Variants in NLGN4X observed in about 807,000 individuals in gnomAD.
The protein encoded by NLGN4X is neuroligin 4 X-linked.
In NLGN4X, 3 loss-of-function variants were observed where a neutral mutation model predicts 40.3. That is an observed-to-expected ratio of 0.07 (90% confidence interval 0.03 to 0.19). The LOEUF (loss-of-function observed/expected upper bound fraction) is 0.19. NLGN4X is among the 10% of genes least tolerant of loss of function. The pLI is 1.00. For missense variants in NLGN4X, 382 were observed against 708.3 expected, an observed-to-expected ratio of 0.54 and a Z score of 5.23; for synonymous variants, 270 against 306.8, an observed-to-expected ratio of 0.88 and a Z score of 1.25.
intron 3 of NLGN4X, among the ~76,000 whole-genome samples, chrX:6,027,472 A>G (rs1745601822): frequency 8.9e-6 from 1 of 111,758 alleles, no homozygotes; most frequent in Non-Finnish European, 1.9e-5. Flanking sequence ...GCAGAAACCA[A>G]CCTGGAATTT....
chrX:6,205,062 G>T (rs1923920035), intron 1 of NLGN4X, among the ~76,000 whole-genome samples: 1 of 111,352 alleles, frequency 9.0e-6, no homozygotes, highest in South Asian at 3.8e-4. Context: ...CCTGCAACAC[G>T]ATCATCCCCC....
In NLGN4X at chrX:5,891,722, TGTCTCTAA is replaced by T; in HGVS notation, c.*1087_*1094del. On this transcript the variant is annotated 3_prime_UTR_variant, in exon 6 of 6. Transcript: ENST00000381095. ...TCCCTACTGATTCTTTGTGTGTGCA[TGTCTCTAA>T]TTTAACAAGCTGTAAATACACTCCA... 5.6e-6 allele frequency: 1 copy of T among 178,527 alleles called. No individual in the cohort carries two copies. Among genetic ancestry groups the T allele is most frequent in the South Asian group, 9.6e-5 (1 of 10,406 alleles). The allele number at this position is 178,527 out of a possible 1,213,427, so 14.7% of individuals were successfully genotyped here.
chrX:6,112,160 A>G (rs1337365229), intron 2 of NLGN4X, among the ~76,000 whole-genome samples: 1 of 111,747 alleles, frequency 8.9e-6, no homozygotes, highest in Non-Finnish European at 1.9e-5. Flanking sequence ...TCTGTTGCAG[A>G]GGGGGGACAA....
At chrX:5,905,570 C>T (rs183128099) in intron 4 of NLGN4X, among the ~76,000 whole-genome samples, 85 of 112,485 alleles carry the variant, frequency 7.6e-4, no homozygotes, top group South Asian at 3.6e-4. Flanking sequence ...TTCTTTGCTA[C>T]GATACTAATA....
intron 1 of NLGN4X, among the ~76,000 whole-genome samples, chrX:6,160,021 G>C (rs905892494): frequency 9.0e-6 from 1 of 111,045 alleles, no homozygotes; most frequent in African/African-American, 3.3e-5. Context: ...GGGAGAGAGA[G>C]AGAAGTGAGG....
chrX:6,027,163 G>C (rs1420665026), intron 3 of NLGN4X, among the ~76,000 whole-genome samples: 1 of 111,770 alleles, frequency 8.9e-6, no homozygotes, highest in Non-Finnish European at 1.9e-5. Context: ...CTTTGAAGAG[G>C]GCCTGTGCAA....
intron 3 of NLGN4X, among the ~76,000 whole-genome samples, chrX:5,921,392 A>AGAGG (rs2033044049): frequency 7.8e-5 from 1 of 12,749 alleles, no homozygotes; most frequent in Non-Finnish European, 1.3e-4. Flanking sequence ...AAAATGAACC[A>AGAGG]GAGAGAGAGA....
At chrX:6,022,451 TG>T (rs1344437298) in intron 3 of NLGN4X, among the ~76,000 whole-genome samples, 2 of 111,702 alleles carry the variant, frequency 1.8e-5, no homozygotes, top group African/African-American at 6.5e-5. Context: ...AAATAGCAAA[TG>T]TACCAAAAAT....
chrX:6,115,988 C>A (rs1377371821), intron 2 of NLGN4X, among the ~76,000 whole-genome samples: 1 of 110,338 alleles, frequency 9.1e-6, no homozygotes, highest in African/African-American at 3.3e-5. Context: ...GTTACCTTTA[C>A]AAATGTAATA....
At chrX:6,013,414 A>T (rs1051303935) in intron 3 of NLGN4X, among the ~76,000 whole-genome samples, 1 of 111,177 alleles carries the variant, frequency 9.0e-6, no homozygotes, top group Non-Finnish European at 1.9e-5. Flanking sequence ...AAAAAAAAAA[A>T]AAATGAGTAA....
intron 1 of NLGN4X, among the ~76,000 whole-genome samples, chrX:6,197,765 T>C (rs1309682811): frequency 1.8e-5 from 2 of 110,260 alleles, no homozygotes; most frequent in African/African-American, 6.6e-5. Flanking sequence ...AGGTGCTAAT[T>C]AAACTAACAG....
chrX:6,113,447 A>G (rs181679140), intron 2 of NLGN4X, among the ~76,000 whole-genome samples: 1 of 111,769 alleles, frequency 8.9e-6, no homozygotes, highest in East Asian at 2.8e-4. Context: ...TCATGTAGTA[A>G]AAAAGAAAAA....
At chrX:6,139,629 T>C (rs1008426600) in intron 2 of NLGN4X, among the ~76,000 whole-genome samples, 2 of 112,011 alleles carry the variant, frequency 1.8e-5, no homozygotes, top group African/African-American at 6.5e-5. Context: ...GGATCCTCCA[T>C]AGAAAACATC....
intron 3 of NLGN4X, among the ~76,000 whole-genome samples, chrX:6,017,621 T>C (rs1008705687): frequency 3.6e-5 from 4 of 112,011 alleles, no homozygotes; most frequent in African/African-American, 1.3e-4. Context: ...TGGTTTGATT[T>C]ATGATTTTTG....
intron 1 of NLGN4X, among the ~76,000 whole-genome samples, chrX:6,159,755 G>A (rs957293438): frequency 1.8e-5 from 2 of 111,793 alleles, no homozygotes; most frequent in African/African-American, 6.5e-5. Flanking sequence ...CCACTAAGAC[G>A]CTCTGACATC....
In NLGN4X at chrX:6,104,755, G is replaced by C. The variant is rs186163097; in HGVS notation, c.472+46240C>G. Among the ~76,000 whole-genome samples the C allele has an allele frequency of 1.3e-3, 142 of 111,691 alleles. 2 individuals carry two copies. Among genetic ancestry groups the C allele is most frequent in the Non-Finnish European group, 6.4e-4 (34 of 53,162 alleles). On this transcript the variant is annotated intron_variant, in intron 2 of 5. Coordinates refer to ENST00000381095, the MANE Select transcript of NLGN4X (RefSeq NM_181332.3). ...GGAAAGATCAGGAGTCCCTGAGATG[G>C]CAGAAAGAAACAGATGACAGACAGA...
intron 1 of NLGN4X, among the ~76,000 whole-genome samples, chrX:6,189,337 A>C (rs1409035603): frequency 8.9e-6 from 1 of 111,953 alleles, no homozygotes; most frequent in Non-Finnish European, 1.9e-5. Context: ...ACAATGTAGG[A>C]AATTCCAACC....
At chrX:5,895,005 T>C (rs953922647) in intron 5 of NLGN4X, among the ~76,000 whole-genome samples, 57 of 112,075 alleles carry the variant, frequency 5.1e-4, no homozygotes, top group African/African-American at 6.8e-4. Context: ...CCTCCAGTCA[T>C]TGCATGGCCT....
intron 3 of NLGN4X, among the ~76,000 whole-genome samples, chrX:5,992,309 T>C (rs1027884072): frequency 1.8e-5 from 2 of 112,169 alleles, no homozygotes; most frequent in African/African-American, 6.5e-5. Context: ...CTGAGCAATT[T>C]ATAAAGAAAA....
Sources: gnomAD v4.1 joint callset for allele counts (sites outside exome capture counted in the v4.1 genomes callset) on GRCh38, gnomAD v4.1.1 for gene constraint, MANE v1.5 for transcripts, NCBI Gene and HGNC (gene_info 2026-07-23, HGNC 2026-07-21) for gene names.